NINJ2: variants seen among roughly 807,000 people sequenced by gnomAD.
NINJ2 encodes ninjurin 2.
Under a neutral mutation model 11.7 loss-of-function variants are expected in NINJ2, and 12 were observed. The ratio of observed to expected loss-of-function variants is 1.02; its 90% CI spans 0.66 to 1.66. The LOEUF is 1.66. Ranked by LOEUF, NINJ2 falls within the 40% of genes most tolerant of loss-of-function variation. The probability of loss-of-function intolerance (pLI) is 0.00; values close to 1 mark genes in which losing one functional copy is unlikely to be tolerated. For synonymous variants in NINJ2, 93 were observed against 76.8 expected, an observed-to-expected ratio of 1.21 and a Z score of -1.10; for missense variants, 187 against 181.8, an observed-to-expected ratio of 1.03 and a Z score of -0.16.
rs1565624801 is a variant in NINJ2 at position 585,533 on chromosome 12, TTGGAGGGAAGGGAAG to T, written c.34-19370_34-19356del. On this transcript the variant is annotated intron_variant, in intron 1 of 3. Coordinates refer to ENST00000305108, the MANE Select transcript of NINJ2 (RefSeq NM_016533.6). The surrounding 1 kb of genome is among the most constrained non-coding windows in gnomAD (Gnocchi z 4.1). ...GGTTGGAGGGAAGGGAAGGGAACGG[TTGGAGGGAAGGGAAG>T]GGAACGGTTGGAGGGAAGGGAGGCT... Among the ~76,000 whole-genome samples the T allele has an allele frequency of 5.9e-5, 8 of 135,628 alleles. No individual in the cohort carries two copies. Among genetic ancestry groups the T allele is most frequent in the Non-Finnish European group, 8.7e-5 (5 of 57,504 alleles). 89.0% of individuals were successfully genotyped at this position (135,628 alleles called of 152,430 possible).
At chr12:624,705 A>G (rs1305764572) in intron 1 of NINJ2, among the ~76,000 whole-genome samples, 1 of 150,888 alleles carries the variant, frequency 6.6e-6, no homozygotes, top group Non-Finnish European at 1.5e-5. Context: ...GCAACTTGGG[A>G]GGCTGAGGCA....
rs1555167491 is a variant in NINJ2 at position 649,531 on chromosome 12, G to GTATGTATATATATATATATATATA, written c.33+13796_33+13797insTATATATATATATATATATACATA. ...AGTGAATATGTGTGTGTGTATATGT[G>GTATGTATATATATATATATATATA]TATATATATATATATATATATAGTA... On this transcript the variant is annotated intron_variant, in intron 1 of 3. Transcript: ENST00000305108. Among the ~76,000 whole-genome samples the GTATGTATATATATATATATATATA allele has an allele frequency of 5.5e-5, 7 of 127,694 alleles. No individual in the cohort carries two copies. In the East Asian group the frequency reaches 1.8e-3, roughly 32 times the overall value. The allele number at this position is 127,694 out of a possible 152,430, so 83.8% of individuals were successfully genotyped here. A position where few individuals can be genotyped will look rare whatever the true frequency, so the allele number is the denominator to read the frequency against.
intron 1 of NINJ2, among the ~76,000 whole-genome samples, chr12:596,458 G>A (rs1049457115): frequency 5.3e-5 from 8 of 152,182 alleles, no homozygotes; most frequent in Admixed American, 1.3e-4. Flanking sequence ...GCGGCTGTGC[G>A]TATGTAGGGA....
At chr12:660,543 G>A (rs1937944646) in intron 1 of NINJ2, among the ~76,000 whole-genome samples, 1 of 151,848 alleles carries the variant, frequency 6.6e-6, no homozygotes, top group Admixed American at 6.6e-5. Context: ...GTTTCACTAT[G>A]TTGGCCAGGA....
rs575003454 is a variant in NINJ2, at chr12:593,050, TG to T, written c.34-26873del. 2.4e-4 allele frequency among the ~76,000 whole-genome samples: 36 copies of T among 151,464 alleles called. 1 individual carries two copies. Among genetic ancestry groups the T allele is most frequent in the Non-Finnish European group, 4.4e-4 (30 of 67,848 alleles). ...TCAAGAAAAAAACAGGGAAAAAAAA[TG>T]AACAGACAAAAGTAGAGTGGATACA... On this transcript the variant is annotated intron_variant, in intron 1 of 3. Coordinates refer to ENST00000305108, the MANE Select transcript of NINJ2 (RefSeq NM_016533.6).
Position 581,543 on chromosome 12 carries a change from T to C in NINJ2, c.34-15365A>G, listed in dbSNP as rs1405561270. ...AGCCTGGATCCTCATACCGGGGCTCTCCTGTCCTTCCTCAGGATTCGAAAT... is the reference window on the plus strand; with the variant it reads ...AGCCTGGATCCTCATACCGGGGCTCCCCTGTCCTTCCTCAGGATTCGAAAT... On this transcript the variant is annotated intron_variant, in intron 1 of 3. Transcript: ENST00000305108. This position sits in a 1 kb window ranked among gnomAD's most constrained non-coding sequence, Gnocchi z 4.9. Among the ~76,000 whole-genome samples, 1 of 152,182 alleles carries C rather than the reference T, an allele frequency of 6.6e-6. No homozygotes were observed. The highest frequency in any genetic ancestry group is 1.5e-5 in the Non-Finnish European group (1 of 68,026).
At chr12:618,430 T>C (rs1450788724) in intron 1 of NINJ2, among the ~76,000 whole-genome samples, 1 of 151,992 alleles carries the variant, frequency 6.6e-6, no homozygotes, top group African/African-American at 2.4e-5. Flanking sequence ...CAGAACAGCA[T>C]TTTAGGACTC....
At chr12:649,849 T>C (rs929641414) in intron 1 of NINJ2, among the ~76,000 whole-genome samples, 3 of 152,138 alleles carry the variant, frequency 2.0e-5, no homozygotes, top group African/African-American at 7.2e-5. Flanking sequence ...AGCTTGTGTA[T>C]CTTACTTCTT....
At chr12:610,435 A>G in intron 1 of NINJ2, 1 of 1,535,484 alleles carries the variant, frequency 6.5e-7, no homozygotes, top group Non-Finnish European at 8.7e-7. Flanking sequence ...GGAAGTCTCA[A>G]CGGAAAATGA....
chr12:565,730 A>C (rs1947287997), intron 2 of NINJ2: 1 of 637,512 alleles, frequency 1.6e-6, no homozygotes, highest in Non-Finnish European at 2.8e-6. Flanking sequence ...GGTACTGCGG[A>C]GGGTCTGCTC....
At chr12:611,225 CTTTT>C (rs879413523) in intron 1 of NINJ2, among the ~76,000 whole-genome samples, 110 of 142,132 alleles carry the variant, frequency 7.7e-4, no homozygotes, top group Middle Eastern at 3.9e-3. Flanking sequence ...TTCTTTCTTT[CTTTT>C]TCTTTCTTTC....
intron 1 of NINJ2, among the ~76,000 whole-genome samples, chr12:647,066 TA>T (rs1392788264): frequency 6.6e-5 from 10 of 152,154 alleles, no homozygotes; most frequent in Non-Finnish European, 1.5e-4. Flanking sequence ...CTGCCCTCCC[TA>T]CCCCTGTTCC....
At position 609,770 on chromosome 12, in the gene NINJ2, C is replaced by CAAAAA. The variant is rs1185755822; in HGVS notation, c.34-43597_34-43593dup. On this transcript the variant is annotated intron_variant, in intron 1 of 3. Transcript: ENST00000305108. The stretch of plus-strand genomic sequence containing the variant: ...TGGGCAACAGAGTGAGACTCTGCCT[C>CAAAAA]AAAAAAAAAAAAAAAAATAGGGAAA... 8.1e-4 allele frequency among the ~76,000 whole-genome samples: 72 copies of CAAAAA among 88,808 alleles called. 1 individual carries two copies. The highest frequency in any genetic ancestry group is 1.3e-3 in the Non-Finnish European group (61 of 47,842). 58.3% of individuals were successfully genotyped at this position (88,808 alleles called of 152,430 possible).
At chr12:576,240 G>A (rs1376367876) in intron 1 of NINJ2, among the ~76,000 whole-genome samples, 2 of 152,170 alleles carry the variant, frequency 1.3e-5, no homozygotes, top group African/African-American at 2.4e-5. Context: ...CGTGGGGCGA[G>A]GCCTCCCCGG....
intron 1 of NINJ2, among the ~76,000 whole-genome samples, chr12:631,439 A>C (rs1388172972): frequency 6.6e-6 from 1 of 151,990 alleles, no homozygotes. Context: ...TCTCTGCTCA[A>C]TGCAACCTCC....
chr12:609,789 A>AAAAAAAAAAAAAGAG (rs71439346), intron 1 of NINJ2, among the ~76,000 whole-genome samples: 2 of 116,628 alleles, frequency 1.7e-5, no homozygotes, highest in African/African-American at 6.4e-5. Flanking sequence ...AAAAAAAAAT[A>AAAAAAAAAAAAAGAG]GGGAAAACAA....
intron 1 of NINJ2, among the ~76,000 whole-genome samples, chr12:592,304 A>G (rs1040595140): frequency 6.6e-6 from 1 of 152,168 alleles, no homozygotes; most frequent in African/African-American, 2.4e-5. Flanking sequence ...TGCCGGAGGG[A>G]TTCAGAGTGG....
intron 1 of NINJ2, among the ~76,000 whole-genome samples, chr12:571,009 A>C (rs1439390353): frequency 5.9e-5 from 9 of 151,910 alleles, no homozygotes. Context: ...CCAGGCTGAG[A>C]TCCCTCTCTC....
In NINJ2 at chr12:581,187, GTCTGTC is replaced by G. The variant is rs1404349645; in HGVS notation, c.34-15015_34-15010del. 6.6e-6 allele frequency among the ~76,000 whole-genome samples: 1 copy of G among 151,884 alleles called. No homozygotes were observed. The highest frequency in any genetic ancestry group is 2.4e-5 in the African/African-American group (1 of 41,294). On this transcript the variant is annotated intron_variant, in intron 1 of 3. Transcript: ENST00000305108. This position sits in a 1 kb window ranked among gnomAD's most constrained non-coding sequence, Gnocchi z 4.9. ...TGTGTGTGTGTGTGTCTGTGTGTGT[GTCTGTC>G]TCTGTGTGCGTGTGTGTGTCTATTG...
Sources: gnomAD v4.1 joint callset for allele counts (sites outside exome capture counted in the v4.1 genomes callset) on GRCh38, gnomAD v4.1.1 for gene constraint, Gnocchi (gnomAD v3.1) non-coding constraint, MANE v1.5 for transcripts, NCBI Gene and HGNC (gene_info 2026-07-23, HGNC 2026-07-21) for gene names.